The following EIF4G3 variants were observed in gnomAD, a reference collection of about 807,000 sequenced individuals.
The protein encoded by EIF4G3 is eIF-4-gamma 3.
A neutral mutation model predicts 186.4 loss-of-function variants in EIF4G3; 34 were observed. That is an observed-to-expected ratio of 0.18 (90% CI 0.14 to 0.24). EIF4G3 has a LOEUF of 0.24. Ranked by LOEUF, EIF4G3 falls within the 10% of genes least tolerant of loss-of-function variation. The pLI is 1.00. For missense variants in EIF4G3, 1,536 were observed against 1,948.5 expected (o/e 0.79, Z 3.99); for synonymous variants, 673 against 679.5 (o/e 0.99, Z 0.15).
At chr1:21,102,613 G>A (rs2101870739) in intron 2 of EIF4G3, among the ~76,000 whole-genome samples, 1 of 152,118 alleles carries the variant, frequency 6.6e-6, no homozygotes, top group East Asian at 1.9e-4. Flanking sequence ...CTCAGGATTA[G>A]GTTCTTAATA....
At chr1:21,000,737 T>C (rs2083325444) in intron 6 of EIF4G3, among the ~76,000 whole-genome samples, 1 of 152,124 alleles carries the variant, frequency 6.6e-6, no homozygotes, top group Non-Finnish European at 1.5e-5. Flanking sequence ...ATGTGTGTGA[T>C]TTTTAGTAAT....
chr1:20,862,857 C>T (rs528735570), intron 22 of EIF4G3, among the ~76,000 whole-genome samples: 1 of 152,260 alleles, frequency 6.6e-6, no homozygotes, highest in African/African-American at 2.4e-5. Flanking sequence ...TCATTGCAGC[C>T]TCAATCTCCT....
chr1:20,992,995 T>C (rs1256656534), intron 7 of EIF4G3, among the ~76,000 whole-genome samples: 1 of 152,214 alleles, frequency 6.6e-6, no homozygotes, highest in African/African-American at 2.4e-5. Context: ...ATAGTTGACA[T>C]ATTTCTAAAG....
At chr1:21,029,553 T>C (rs909302506) in intron 4 of EIF4G3, among the ~76,000 whole-genome samples, 2 of 151,968 alleles carry the variant, frequency 1.3e-5, no homozygotes, top group African/African-American at 2.4e-5. Flanking sequence ...AAGGATCACT[T>C]GAAGCCAGGA....
At chr1:21,085,405 C>A (rs2095933172) in intron 3 of EIF4G3, among the ~76,000 whole-genome samples, 1 of 152,022 alleles carries the variant, frequency 6.6e-6, no homozygotes, top group African/African-American at 2.4e-5. Context: ...TTTAAGTTTT[C>A]TTTTTTCTTA....
intron 10 of EIF4G3, among the ~76,000 whole-genome samples, chr1:20,979,510 T>A (rs2077522823): frequency 6.6e-6 from 1 of 152,158 alleles, no homozygotes. Context: ...AACAAAATCT[T>A]TAAGGTGTAA....
At chr1:21,064,319 T>C (rs959125620) in intron 3 of EIF4G3, among the ~76,000 whole-genome samples, 1 of 152,174 alleles carries the variant, frequency 6.6e-6, no homozygotes, top group African/African-American at 2.4e-5. Flanking sequence ...TTGCAATCCT[T>C]GTGGACAGGA....
intron 2 of EIF4G3, among the ~76,000 whole-genome samples, chr1:21,163,833 G>A (rs371579979): frequency 3.9e-5 from 6 of 152,200 alleles, no homozygotes; most frequent in East Asian, 1.9e-4. Context: ...GTACAGTGGC[G>A]TGATCTCAGC....
At chr1:21,067,557 T>C (rs1328020348) in intron 3 of EIF4G3, among the ~76,000 whole-genome samples, 1 of 152,172 alleles carries the variant, frequency 6.6e-6, no homozygotes, top group Non-Finnish European at 1.5e-5. Flanking sequence ...GATACCATGA[T>C]GGGTAGAAAA....
intron 3 of EIF4G3, among the ~76,000 whole-genome samples, chr1:21,059,840 TA>T (rs759795909): frequency 6.6e-6 from 1 of 151,950 alleles, no homozygotes; most frequent in Non-Finnish European, 1.5e-5. Flanking sequence ...GGAGGGTCAG[TA>T]ACAATGCTAA....
At chr1:21,086,007 A>G (rs1482163086) in intron 3 of EIF4G3, among the ~76,000 whole-genome samples, 1 of 151,922 alleles carries the variant, frequency 6.6e-6, no homozygotes, top group East Asian at 1.9e-4. Flanking sequence ...GTTATTTTTC[A>G]AAGTGTTATT....
chr1:21,083,030 T>C (rs899332010), intron 3 of EIF4G3, among the ~76,000 whole-genome samples: 2 of 87,722 alleles, frequency 2.3e-5, no homozygotes, highest in Non-Finnish European at 3.9e-5. Flanking sequence ...ACAGCGAGAC[T>C]CTGTCTCAAA....
chr1:20,895,741 T>G (rs989730947), intron 16 of EIF4G3, among the ~76,000 whole-genome samples: 3 of 152,238 alleles, frequency 2.0e-5, no homozygotes, highest in African/African-American at 4.8e-5. Context: ...ACAAACCTAC[T>G]GTGCTGCCAG....
At chr1:20,917,094 G>T (rs1249787616) in intron 14 of EIF4G3, among the ~76,000 whole-genome samples, 2 of 57,936 alleles carry the variant, frequency 3.5e-5, no homozygotes, top group African/African-American at 5.9e-5. Flanking sequence ...CAGCCAAAAT[G>T]TCTATCAATA....
intron 10 of EIF4G3, among the ~76,000 whole-genome samples, chr1:20,974,299 A>G (rs1406088342): frequency 1.3e-5 from 2 of 152,242 alleles, no homozygotes; most frequent in Non-Finnish European, 2.9e-5. Context: ...ATAGAAAAGA[A>G]GCCCAGTGGT....
At chr1:20,999,624 C>A in intron 6 of EIF4G3, 1 of 391,438 alleles carries the variant, frequency 2.6e-6, no homozygotes. Flanking sequence ...TATAAAATTA[C>A]ATATATATAA....
intron 2 of EIF4G3, among the ~76,000 whole-genome samples, chr1:21,149,797 GAT>G (rs897088718): frequency 6.6e-6 from 1 of 152,234 alleles, no homozygotes; most frequent in Non-Finnish European, 1.5e-5. Flanking sequence ...ATCTCTGAGA[GAT>G]AATTCGCATT....
Position 20,810,723 on chromosome 1 carries a change from A to G in EIF4G3, c.4744+15T>C. 1 of 1,611,930 alleles carries G rather than the reference A, an allele frequency of 6.2e-7. No individual in the cohort carries two copies. Among genetic ancestry groups the G allele is most frequent in the East Asian group, 2.2e-5 (1 of 44,788 alleles). ...ACTCATTGGTTAGATTAACTGTAACATGAGATAAACTTACTGGCAGGTTGA... is the reference window on the plus strand; with the variant it reads ...ACTCATTGGTTAGATTAACTGTAACGTGAGATAAACTTACTGGCAGGTTGA... On this transcript the variant is annotated intron_variant, in intron 36 of 36. Coordinates refer to ENST00000602326, the MANE Select transcript of EIF4G3 (RefSeq NM_001391906.1). The surrounding 1 kb of genome is among the most constrained non-coding windows in gnomAD (Gnocchi z 4.1).
intron 32 of EIF4G3, among the ~76,000 whole-genome samples, chr1:20,826,350 A>G (rs1348709850): frequency 1.3e-5 from 2 of 151,422 alleles, no homozygotes; most frequent in Non-Finnish European, 1.5e-5. Context: ...TATTTTTAGT[A>G]GAGATGGGAT....
Sources: allele counts gnomAD v4.1 joint callset (sites outside exome capture counted in the v4.1 genomes callset), GRCh38; gene constraint gnomAD v4.1.1; non-coding constraint Gnocchi (gnomAD v3.1); transcripts MANE v1.5; gene names NCBI Gene and HGNC (gene_info 2026-07-23, HGNC 2026-07-21).